Variants in CIMAP1D observed in about 807,000 individuals in gnomAD.
CIMAP1D encodes CIMAP1 family member D.
the CIMAP1D span, among the ~76,000 whole-genome samples, chr19:486,597 C>T: frequency 9.2e-5 from 14 of 151,788 alleles, no homozygotes; most frequent in Non-Finnish European, 1.9e-4. Context: ...CCCGTCACCA[C>T]ACCCAGCTAA....
the CIMAP1D span, chr19:472,508 C>A: frequency 2.6e-6 from 4 of 1,536,336 alleles, no homozygotes; most frequent in Non-Finnish European, 3.5e-6. Flanking sequence ...GAGCCTGCAG[C>A]CCAAAGCCCT....
At chr19:486,208 T>TG in the CIMAP1D span, among the ~76,000 whole-genome samples, 1 of 152,262 alleles carries the variant, frequency 6.6e-6, no homozygotes, top group East Asian at 1.9e-4. Flanking sequence ...TCCGAGGATT[T>TG]GGGGGGCTGG....
chr19:485,656 G>A, the CIMAP1D span, among the ~76,000 whole-genome samples: 621 of 152,324 alleles, frequency 4.1e-3, 5 homozygotes, highest in African/African-American at 0.014. Context: ...TGTGAGCCAC[G>A]GTGCCAGCCC....
the CIMAP1D span, among the ~76,000 whole-genome samples, chr19:488,017 C>G: frequency 6.6e-6 from 1 of 152,118 alleles, no homozygotes; most frequent in Non-Finnish European, 1.5e-5. Flanking sequence ...TCACGTACCC[C>G]CTGCTTGTTC....
chr19:472,408 C>G, the CIMAP1D span: 8 of 1,539,060 alleles, frequency 5.2e-6, no homozygotes, highest in African/African-American at 9.7e-5. Context: ...ACTGGGCCTC[C>G]GGACGAGCGA....
the CIMAP1D span, among the ~76,000 whole-genome samples, chr19:470,509 C>T: frequency 6.6e-6 from 1 of 152,180 alleles, no homozygotes; most frequent in Non-Finnish European, 1.5e-5. Context: ...CCGCGCCCGG[C>T]CCATAGGCTA....
the CIMAP1D span, chr19:467,781 A>G: frequency 6.8e-7 from 1 of 1,469,724 alleles, no homozygotes; most frequent in Non-Finnish European, 9.3e-7. Context: ...AGGAGCCCAG[A>G]GTGCTGAGAG....
At chr19:478,428 G>A in the CIMAP1D span, among the ~76,000 whole-genome samples, 1 of 152,262 alleles carries the variant, frequency 6.6e-6, no homozygotes, top group African/African-American at 2.4e-5. Flanking sequence ...GCTAACACAG[G>A]GAAGACAGGA....
At chr19:474,242 C>T in the CIMAP1D span, among the ~76,000 whole-genome samples, 4 of 152,204 alleles carry the variant, frequency 2.6e-5, no homozygotes, top group South Asian at 4.1e-4. Flanking sequence ...CCAGCAGAGC[C>T]GCCTCCGCAC....
the CIMAP1D span, among the ~76,000 whole-genome samples, chr19:490,641 T>C: frequency 6.6e-6 from 1 of 152,212 alleles, no homozygotes; most frequent in Admixed American, 6.5e-5. Flanking sequence ...AATAGCTGCG[T>C]CCGTTTCTAA....
chr19:487,148 C>G, the CIMAP1D span, among the ~76,000 whole-genome samples: 1 of 152,172 alleles, frequency 6.6e-6, no homozygotes, highest in Non-Finnish European at 1.5e-5. Flanking sequence ...CTCTCCACGC[C>G]TCACCTATTG....
the CIMAP1D span, chr19:474,469 C>G: frequency 1.3e-6 from 1 of 781,028 alleles, no homozygotes; most frequent in Non-Finnish European, 1.8e-6. Flanking sequence ...CCACACCCAT[C>G]CTGCCGGAAG....
chr19:475,576 G>A, the CIMAP1D span, among the ~76,000 whole-genome samples: 47 of 152,184 alleles, frequency 3.1e-4, no homozygotes, highest in Middle Eastern at 3.4e-3. Context: ...CTGGGGCAGC[G>A]GCGAGGACAG....
chr19:470,307 T>C, the CIMAP1D span, among the ~76,000 whole-genome samples: 9,923 of 151,020 alleles, frequency 0.066, 626 homozygotes, highest in East Asian at 0.23. Flanking sequence ...CCCGGGTTCA[T>C]GCCATTCTCC....
chr19:489,126 G>A, the CIMAP1D span: 1 of 150,416 alleles, frequency 6.6e-6, no homozygotes, highest in African/African-American at 2.5e-5. Context: ...GAGCTGCCGG[G>A]AGCTGTGGGC....
At chr19:488,940 CA>C in the CIMAP1D span, among the ~76,000 whole-genome samples, 1 of 152,032 alleles carries the variant, frequency 6.6e-6, no homozygotes, top group Non-Finnish European at 1.5e-5. Context: ...CGGGGCGAGA[CA>C]GCCGCCAGGG....
At chr19:480,490 GTAA>G in the CIMAP1D span, among the ~76,000 whole-genome samples, 2 of 98,688 alleles carry the variant, frequency 2.0e-5, no homozygotes, top group African/African-American at 6.3e-5. Context: ...AAGGATGATG[GTAA>G]GGATGATGGA....
chr19:468,194 C>A, the CIMAP1D span, among the ~76,000 whole-genome samples: 1 of 152,046 alleles, frequency 6.6e-6, no homozygotes, highest in Non-Finnish European at 1.5e-5. Context: ...AGCAAGATCC[C>A]GTCTCTACTA....
the CIMAP1D span, among the ~76,000 whole-genome samples, chr19:480,285 G>A: frequency 1.3e-5 from 2 of 152,224 alleles, no homozygotes; most frequent in African/African-American, 4.8e-5. Context: ...GGTCCTGCAC[G>A]GCCTGTGGAC....
Sources: gnomAD v4.1 joint callset for allele counts (sites outside exome capture counted in the v4.1 genomes callset) on GRCh38, gnomAD v4.1.1 for gene constraint, MANE v1.5 for transcripts, NCBI Gene and HGNC (gene_info 2026-07-23, HGNC 2026-07-21) for gene names.